The following VAV3 variants were observed in gnomAD, a reference collection of about 807,000 sequenced individuals.
The protein encoded by VAV3 is guanine nucleotide exchange factor VAV3.
In VAV3, 94 loss-of-function variants were observed where a neutral mutation model predicts 131.2. The ratio of observed to expected loss-of-function variants is 0.72; its 90% CI spans 0.61 to 0.85. The LOEUF is 0.85. Ranked by LOEUF, VAV3 falls within the 40% of genes least tolerant of loss-of-function variation. The probability of loss-of-function intolerance (pLI) is 0.00; values close to 1 mark genes in which losing one functional copy is unlikely to be tolerated. For synonymous variants in VAV3, 349 were observed against 342.0 expected (o/e 1.02, Z -0.22); for missense variants, 939 against 1,002.7 (o/e 0.94, Z 0.86).
intron 12 of VAV3, among the ~76,000 whole-genome samples, chr1:107,753,534 A>ATC (rs1553201282): frequency 1.2e-5 from 1 of 85,294 alleles, no homozygotes; most frequent in African/African-American, 4.2e-5. Context: ...ATACGTATAT[A>ATC]TATATATATA....
intron 5 of VAV3, among the ~76,000 whole-genome samples, chr1:107,771,687 C>T (rs967900952): frequency 7.9e-5 from 12 of 152,318 alleles, no homozygotes; most frequent in African/African-American, 2.4e-4. Context: ...GCACTTAGCA[C>T]TTTTCCAAGT....
chr1:107,916,964 G>A (rs1489665456), intron 1 of VAV3, among the ~76,000 whole-genome samples: 1 of 152,144 alleles, frequency 6.6e-6, no homozygotes, highest in Non-Finnish European at 1.5e-5. Context: ...TGTAAAGTGT[G>A]AAGGCAGTGA....
At chr1:107,629,852 A>G (rs999669060) in intron 20 of VAV3, among the ~76,000 whole-genome samples, 1 of 152,194 alleles carries the variant, frequency 6.6e-6, no homozygotes, top group African/African-American at 2.4e-5. Flanking sequence ...GATATATAGT[A>G]GAGGATAATT....
intron 19 of VAV3, among the ~76,000 whole-genome samples, chr1:107,656,366 A>G (rs1374862729): frequency 2.0e-5 from 3 of 152,194 alleles, no homozygotes; most frequent in Non-Finnish European, 4.4e-5. Context: ...CCAAGCATAG[A>G]AAGACAAATA....
intron 20 of VAV3, among the ~76,000 whole-genome samples, chr1:107,640,442 G>T (rs115024746): frequency 0.013 from 1,951 of 152,212 alleles, 45 homozygotes; most frequent in African/African-American, 0.044. Context: ...GCAGAACAGT[G>T]GTTGCTGAGG....
chr1:107,728,862 G>T (rs1383148358), intron 15 of VAV3, among the ~76,000 whole-genome samples: 1 of 152,084 alleles, frequency 6.6e-6, no homozygotes, highest in African/African-American at 2.4e-5. Flanking sequence ...TTTTAATCTT[G>T]ATACTCTCCT....
chr1:107,600,387 G>A (rs1651753957), intron 24 of VAV3, among the ~76,000 whole-genome samples: 2 of 151,884 alleles, frequency 1.3e-5, no homozygotes, highest in South Asian at 4.2e-4. Flanking sequence ...GCTAATGTTT[G>A]TTAGTTTCAT....
intron 19 of VAV3, among the ~76,000 whole-genome samples, chr1:107,645,517 C>A (rs888996220): frequency 5.3e-5 from 8 of 152,082 alleles, no homozygotes; most frequent in African/African-American, 1.4e-4. Context: ...AGTAGGTGTT[C>A]TACAATACAG....
At chr1:107,601,726 T>G (rs1651878369) in intron 24 of VAV3, among the ~76,000 whole-genome samples, 1 of 152,208 alleles carries the variant, frequency 6.6e-6, no homozygotes, top group African/African-American at 2.4e-5. Flanking sequence ...ATTGTTTAAA[T>G]GACATACACA....
intron 1 of VAV3, among the ~76,000 whole-genome samples, chr1:107,958,508 T>C (rs879538585): frequency 6.6e-6 from 1 of 152,204 alleles, no homozygotes; most frequent in Non-Finnish European, 1.5e-5. Context: ...CAACACTAGA[T>C]GTTCAAAGGG....
intron 1 of VAV3, among the ~76,000 whole-genome samples, chr1:107,924,293 C>T (rs1673047711): frequency 6.6e-6 from 1 of 150,548 alleles, no homozygotes; most frequent in African/African-American, 2.4e-5. Context: ...GCCTAAATTA[C>T]AAATCAATTG....
At chr1:107,640,078 T>C (rs1655227419) in intron 20 of VAV3, among the ~76,000 whole-genome samples, 1 of 152,290 alleles carries the variant, frequency 6.6e-6, no homozygotes, top group Middle Eastern at 3.4e-3. Flanking sequence ...AACTTAAATG[T>C]ATATCTACAT....
At chr1:107,841,001 G>A (rs1334680001) in intron 2 of VAV3, among the ~76,000 whole-genome samples, 1 of 152,138 alleles carries the variant, frequency 6.6e-6, no homozygotes, top group African/African-American at 2.4e-5. Context: ...TGAGACTACT[G>A]CCATGGTCTT....
intron 18 of VAV3, among the ~76,000 whole-genome samples, chr1:107,684,861 C>A (rs1180029858): frequency 1.3e-5 from 2 of 152,156 alleles, no homozygotes; most frequent in East Asian, 1.9e-4. Context: ...AAGAAAAAAT[C>A]TTTTCTGTCT....
At chr1:107,878,126 T>C (rs927276122) in intron 1 of VAV3, among the ~76,000 whole-genome samples, 2 of 152,154 alleles carry the variant, frequency 1.3e-5, no homozygotes, top group Non-Finnish European at 2.9e-5. Context: ...GTGCCATATA[T>C]GCTTTTGCAC....
intron 15 of VAV3, among the ~76,000 whole-genome samples, 157 bp from the exon 16 acceptor site, chr1:107,705,218 G>T (rs1055055758): frequency 6.6e-5 from 10 of 152,156 alleles, no homozygotes; most frequent in Admixed American, 3.3e-4. Context: ...CCAAAAGTAT[G>T]CTATGCATTC....
chr1:107,791,741 T>C (rs1007027727), intron 2 of VAV3, among the ~76,000 whole-genome samples: 2 of 152,202 alleles, frequency 1.3e-5, no homozygotes, highest in Admixed American at 6.5e-5. Flanking sequence ...TTTGAAACCC[T>C]GAGGTCCAAG....
rs111868986 is a variant in VAV3, at chr1:107,794,242, C to A, written c.322-14750G>T. ...AAATCTGGGCTGGCCCAGGAGTAGC[C>A]TGGTTTCCACTGAGGAATTTGACAC... On this transcript the variant is annotated intron_variant, in intron 2 of 26. Coordinates refer to ENST00000370056, the MANE Select transcript of VAV3 (RefSeq NM_006113.5). Among the ~76,000 whole-genome samples the A allele has an allele frequency of 3.9e-3, 596 of 152,324 alleles. 2 individuals are homozygous for A. The highest frequency in any genetic ancestry group is 0.014 in the African/African-American group (573 of 41,566).
At chr1:107,678,904 CA>C (rs1169579888) in intron 19 of VAV3, among the ~76,000 whole-genome samples, 22 of 152,016 alleles carry the variant, frequency 1.4e-4, no homozygotes, top group African/African-American at 4.8e-4. Context: ...TAAATCTGCA[CA>C]AAAATAGTAT....
Sources: gnomAD v4.1 joint callset for allele counts (sites outside exome capture counted in the v4.1 genomes callset) on GRCh38, gnomAD v4.1.1 for gene constraint, MANE v1.5 for transcripts, NCBI Gene and HGNC (gene_info 2026-07-23, HGNC 2026-07-21) for gene names.